Variants in CACNA1B observed in about 807,000 individuals in gnomAD.
CACNA1B encodes the protein voltage-dependent N-type calcium channel subunit alpha-1B.
In CACNA1B, 70 loss-of-function variants were observed where a neutral mutation model predicts 247.2. That is an observed-to-expected ratio of 0.28 (90% CI 0.23 to 0.35). CACNA1B has a LOEUF of 0.35. Among genes scored for constraint, CACNA1B ranks in the 10% least tolerant of loss-of-function variants. The pLI, the probability that CACNA1B is intolerant of heterozygous loss-of-function variation, is 1.00. For missense variants in CACNA1B, 2,367 were observed against 3,197.4 expected (o/e 0.74, Z 6.26); for synonymous variants, 1,231 against 1,294.4 (o/e 0.95, Z 1.05).
At position 137,891,986 on chromosome 9, in the gene CACNA1B, G is replaced by C. The variant is rs1957106450; in HGVS notation, c.530+9103G>C. ...TCTCCCCTGAGAGCACAGGAGCCTG[G>C]TGAAAAGGGCCTTGCGCCTTGGTCC... On this transcript the variant is annotated intron_variant, in intron 3 of 46. Coordinates refer to ENST00000371372, the MANE Select transcript of CACNA1B (RefSeq NM_000718.4). This position sits in a 1 kb window ranked among gnomAD's most constrained non-coding sequence, Gnocchi z 4.3. The C allele has an allele frequency of 2.2e-6, 1 of 452,984 alleles. No homozygotes were observed. The highest frequency in any genetic ancestry group is 2.4e-5 in the Admixed American group (1 of 42,370). The allele number at this position is 452,984 out of a possible 1,614,324, so 28.1% of individuals were successfully genotyped here.
intron 34 of CACNA1B, among the ~76,000 whole-genome samples, chr9:138,075,531 G>A (rs761505451): frequency 3.3e-5 from 5 of 152,360 alleles, no homozygotes; most frequent in South Asian, 4.1e-4. Context: ...CCTGTGTTAC[G>A]TGTGGCAGAG....
chr9:137,986,438 G>A lies in CACNA1B; in HGVS notation c.1795G>A (p.Val599Met). ...TKYWSSLRNL[V>M]VSLLNSMKSI... The stretch of plus-strand genomic sequence containing the variant: ...GTACTGGAGCTCCCTGCGGAACCTG[G>A]TGGTGTCCCTGCTGAACTCCATGAA... The change falls in exon 14 of 47, where the codon GTG (valine) becomes ATG (methionine). Residue 599 changes from valine (V) to methionine (M), a missense_variant. Physicochemically the swap from Val to Met is conservative, Grantham distance 21. Around this residue, in one of 12 missense-constraint regions of CACNA1B, gnomAD observed 76 missense variants for 191.0 expected, o/e 0.40. Coordinates refer to ENST00000371372, the MANE Select transcript of CACNA1B (RefSeq NM_000718.4). The surrounding 1 kb of genome is among the most constrained non-coding windows in gnomAD (Gnocchi z 6.0). 6.2e-7 allele frequency: 1 copy of A among 1,613,906 alleles called. No homozygotes were observed. Among genetic ancestry groups the A allele is most frequent in the Non-Finnish European group, 8.5e-7 (1 of 1,179,848 alleles).
chr9:137,987,822 C>G (rs73570249), intron 15 of CACNA1B, among the ~76,000 whole-genome samples: 7,434 of 152,258 alleles, frequency 0.049, 432 homozygotes, highest in African/African-American at 0.14. Context: ...CTCACATCTT[C>G]CCACTCACCC....
At chr9:137,921,582 ATGAT>A (rs1957479687) in intron 6 of CACNA1B, among the ~76,000 whole-genome samples, 1 of 148,240 alleles carries the variant, frequency 6.7e-6, no homozygotes, top group African/African-American at 2.5e-5. Flanking sequence ...TTCGGAGAAC[ATGAT>A]CAACACCACG....
At chr9:138,006,664 G>A (rs1169102765) in intron 15 of CACNA1B, 103 bp from the exon 16 acceptor site, 10 of 689,240 alleles carry the variant, frequency 1.5e-5, no homozygotes, top group Admixed American at 1.0e-4. Context: ...ACGTGGCAGT[G>A]CGCGTGGACG....
chr9:138,013,345 G>A, intron 18 of CACNA1B, 110 bp downstream of exon 18: 1 of 725,614 alleles, frequency 1.4e-6, no homozygotes, highest in Non-Finnish European at 2.2e-6. Flanking sequence ...AGGGCCTCTG[G>A]CCTTGGCGGG....
chr9:138,120,514 C>T (rs1228675924), intron 45 of CACNA1B, 117 bp from the exon 46 acceptor site: 1 of 1,370,618 alleles, frequency 7.3e-7, no homozygotes, highest in Admixed American at 2.7e-5. Flanking sequence ...GAGGCCCAGG[C>T]CCTAACCCTC....
In CACNA1B at chr9:138,100,106, A is replaced by G. The variant is rs1222199751; in HGVS notation, c.5223-2605A>G. 1.3e-5 allele frequency among the ~76,000 whole-genome samples: 2 copies of G among 152,190 alleles called. No homozygotes were observed. The highest frequency in any genetic ancestry group is 2.9e-5 in the Non-Finnish European group (2 of 68,044). On this transcript the variant is annotated intron_variant, in intron 37 of 46. Transcript: ENST00000371372. This position sits in a 1 kb window ranked among gnomAD's most constrained non-coding sequence, Gnocchi z 4.6. The stretch of plus-strand genomic sequence containing the variant: ...GGCCTGAAGAATGAGAGGAGGTGCC[A>G]TTTGAGCTGAACTTAAAGGAATAGG...
chr9:137,893,702 T>C (rs1409310124), intron 3 of CACNA1B, among the ~76,000 whole-genome samples: 5 of 152,140 alleles, frequency 3.3e-5, no homozygotes, highest in African/African-American at 7.2e-5. Flanking sequence ...AGGTTTTATT[T>C]TGAGCTAATT....
At chr9:137,956,694 A>T in intron 8 of CACNA1B, 77 bp from the exon 9 acceptor site, 1 of 1,211,996 alleles carries the variant, frequency 8.3e-7, no homozygotes, top group Admixed American at 2.2e-5. Context: ...AGGGCCTTCC[A>T]GACAGAGATG....
At chr9:138,069,672 C>A in intron 31 of CACNA1B, 86 bp from the exon 32 acceptor site, 1 of 983,892 alleles carries the variant, frequency 1.0e-6, no homozygotes, top group Non-Finnish European at 1.6e-6. Flanking sequence ...CCCATGTCTC[C>A]GTCTGTATGT....
At chr9:137,962,835 C>T (rs922461639) in intron 10 of CACNA1B, among the ~76,000 whole-genome samples, 12 of 151,986 alleles carry the variant, frequency 7.9e-5, no homozygotes, top group African/African-American at 1.9e-4. Context: ...TGTTGTGTGG[C>T]GATGAGAAGA....
In CACNA1B at chr9:138,112,423, C is replaced by G; in HGVS notation, c.5454C>G (p.Asp1818Glu). The change falls in exon 40 of 47, where the codon GAC becomes GAG. Residue 1818 changes from aspartate (D) to glutamate (E), a missense_variant. This residue lies in a region of CACNA1B where 773 missense variants were observed against 779.4 expected (regional missense o/e 0.99). Coordinates refer to ENST00000371372, the MANE Select transcript of CACNA1B (RefSeq NM_000718.4). ...CTGGGACAAAGCAGCATCAGTGTGA[C>G]GCGGAGTTGAGGAAGGAGATTTCCG... The part of the protein sequence containing the change: ...APAGTKQHQC[D>E]AELRKEISVV... 6.2e-7 allele frequency: 1 copy of G among 1,613,220 alleles called. No homozygotes were observed. The highest frequency in any genetic ancestry group is 8.5e-7 in the Non-Finnish European group (1 of 1,179,174).
In CACNA1B at chr9:138,007,008, C is replaced by A; in HGVS notation, c.2092+124C>A. ...GGACGTGAGAGGTGCATTCTCAGAG[C>A]TGAGTGCAGATGGAGAACATTCTGC... On this transcript the variant is annotated intron_variant, in intron 16 of 46. Transcript: ENST00000371372. The surrounding 1 kb of genome is among the most constrained non-coding windows in gnomAD (Gnocchi z 4.1). 1.6e-6 allele frequency: 1 copy of A among 640,750 alleles called. No individual in the cohort carries two copies. 39.7% of individuals were successfully genotyped at this position (640,750 alleles called of 1,614,324 possible).
intron 36 of CACNA1B, among the ~76,000 whole-genome samples, chr9:138,092,108 A>G (rs998570464): frequency 1.7e-4 from 26 of 152,250 alleles, no homozygotes; most frequent in Non-Finnish European, 2.2e-4. Flanking sequence ...GGCCAGGGTG[A>G]AATTAGAATT....
Position 138,059,640 on chromosome 9 carries a change from T to C in CACNA1B, c.4585-14T>C. ...CATCAGCCGCTGGCACTAACTGCTC[T>C]TCTTTTTCTCTAGAACTATTTCAGA... On this transcript the variant is annotated splice_polypyrimidine_tract_variant and intron_variant, in intron 30 of 46. Coordinates refer to ENST00000371372, the MANE Select transcript of CACNA1B (RefSeq NM_000718.4). The surrounding 1 kb of genome is among the most constrained non-coding windows in gnomAD (Gnocchi z 4.2). The C allele has an allele frequency of 6.4e-7, 1 of 1,554,064 alleles. No homozygotes were observed.
intron 15 of CACNA1B, among the ~76,000 whole-genome samples, chr9:138,004,130 C>T (rs1958616731): frequency 6.6e-6 from 1 of 152,044 alleles, no homozygotes; most frequent in Non-Finnish European, 1.5e-5. Context: ...AGAAACTTCA[C>T]ATGTGCACAA....
chr9:137,904,636 A>G (rs969193731), intron 3 of CACNA1B, among the ~76,000 whole-genome samples: 13 of 151,680 alleles, frequency 8.6e-5, no homozygotes, highest in Admixed American at 4.6e-4. Context: ...TCAAAGGGCT[A>G]CGATTACAGG....
At chr9:137,932,952 A>G (rs1957624710) in intron 6 of CACNA1B, among the ~76,000 whole-genome samples, 1 of 151,320 alleles carries the variant, frequency 6.6e-6, no homozygotes, top group Non-Finnish European at 1.5e-5. Context: ...ATATTTTTTG[A>G]GATGGAGTCT....
Sources: allele counts gnomAD v4.1 joint callset (sites outside exome capture counted in the v4.1 genomes callset), GRCh38; gene constraint gnomAD v4.1.1; regional missense constraint gnomAD v4.1.1; non-coding constraint Gnocchi (gnomAD v3.1); transcripts MANE v1.5; gene names NCBI Gene and HGNC (gene_info 2026-07-23, HGNC 2026-07-21).